Variants in B3GAT2 observed in about 807,000 individuals in gnomAD.
B3GAT2 encodes beta-1,3-glucuronyltransferase 2.
Under a neutral mutation model 27.8 loss-of-function variants are expected in B3GAT2, and 26 were observed. The observed-to-expected ratio is 0.93, with a 90% CI of 0.68 to 1.30. B3GAT2 has a LOEUF of 1.30. Among genes scored for constraint, B3GAT2 ranks in the 50% most tolerant of loss-of-function variants. The probability of loss-of-function intolerance (pLI) is 0.00; values close to 1 mark genes in which losing one functional copy is unlikely to be tolerated. For synonymous variants in B3GAT2, 218 were observed against 195.1 expected (o/e 1.12, Z -0.98); for missense variants, 458 against 459.0 (o/e 1.00, Z 0.02).
chr6:70,907,291 G>T (rs1198498088), intron 1 of B3GAT2, among the ~76,000 whole-genome samples: 1 of 152,152 alleles, frequency 6.6e-6, no homozygotes, highest in Non-Finnish European at 1.5e-5. Flanking sequence ...CACTCCTAAG[G>T]ATGGTCCCTT....
chr6:70,886,807 G>A (rs1469000829), intron 2 of B3GAT2, among the ~76,000 whole-genome samples: 3 of 152,166 alleles, frequency 2.0e-5, no homozygotes, highest in Admixed American at 1.3e-4. Flanking sequence ...ACTGCACCAT[G>A]TTCTAGAAAT....
At position 70,956,511 on chromosome 6, in the gene B3GAT2, G is replaced by GC. The variant is rs1765660953; in HGVS notation, c.-83dup. ...AGTGCGCAGCTTGGACAGCGGCGGC[G>GC]CCAGCACTTAGGGAGTGGTGATGGG... On this transcript the variant is annotated 5_prime_UTR_variant, in exon 1 of 4. Transcript: ENST00000230053. 6.5e-6 allele frequency: 10 copies of GC among 1,538,600 alleles called. No homozygotes were observed. In the South Asian group the frequency reaches 1.1e-4, roughly 17 times the overall value.
intron 1 of B3GAT2, among the ~76,000 whole-genome samples, chr6:70,905,359 T>C (rs1353163635): frequency 6.6e-6 from 1 of 152,230 alleles, no homozygotes. Context: ...TGCATAGATC[T>C]GTATACTTCA....
At chr6:70,897,505 G>A (rs1288726405) in intron 1 of B3GAT2, among the ~76,000 whole-genome samples, 2 of 150,614 alleles carry the variant, frequency 1.3e-5, no homozygotes, top group South Asian at 4.3e-4. Context: ...TTGGGAGGTC[G>A]AGGTGGGCGG....
intron 2 of B3GAT2, among the ~76,000 whole-genome samples, chr6:70,886,983 C>T (rs589923): frequency 0.33 from 49,962 of 151,880 alleles, 12,889 homozygotes; most frequent in African/African-American, 0.7. Context: ...AAGCTGGTCC[C>T]TAGATCCTGC....
intron 1 of B3GAT2, among the ~76,000 whole-genome samples, chr6:70,954,681 T>C (rs1219276400): frequency 6.6e-6 from 1 of 152,100 alleles, no homozygotes; most frequent in African/African-American, 2.4e-5. Context: ...AGAAGGGGAA[T>C]TGAGGGGGAG....
chr6:70,895,716 G>A lies in B3GAT2; in HGVS notation c.592-1444C>T, dbSNP rs995929399. Among the ~76,000 whole-genome samples, 21 of 151,792 alleles carry A rather than the reference G, an allele frequency of 1.4e-4. 1 individual carries two copies. The highest frequency in any genetic ancestry group is 2.6e-4 in the Admixed American group (4 of 15,232). ...GGGTATGAAGCATTCCAGGTAATGAGGTTCTCACTGCATTGGTCTGCCTCA... is the reference window on the plus strand; with the variant it reads ...GGGTATGAAGCATTCCAGGTAATGAAGTTCTCACTGCATTGGTCTGCCTCA... On this transcript the variant is annotated intron_variant, in intron 1 of 3. Transcript: ENST00000230053.
At position 70,859,483 on chromosome 6, in the gene B3GAT2, C is replaced by G. The variant is rs180926736; in HGVS notation, c.*2180G>C. The G allele has an allele frequency of 1.5e-5, 15 of 1,021,548 alleles. No individual in the cohort carries two copies. In the Admixed American group the frequency reaches 1.6e-4, roughly 11 times the overall value. The allele number at this position is 1,021,548 out of a possible 1,614,324, so 63.3% of individuals were successfully genotyped here. On this transcript the variant is annotated 3_prime_UTR_variant, in exon 4 of 4. Coordinates refer to ENST00000230053, the MANE Select transcript of B3GAT2 (RefSeq NM_080742.3). The stretch of plus-strand genomic sequence containing the variant: ...TTAGTGATGTAGTTTATGTTAGTGT[C>G]TTTGAAACTGTAAATAAGTCAAGTC...
chr6:70,864,615 T>C (rs1771819972), intron 2 of B3GAT2, among the ~76,000 whole-genome samples: 1 of 152,136 alleles, frequency 6.6e-6, no homozygotes, highest in Non-Finnish European at 1.5e-5. Flanking sequence ...TGCTCAGTGA[T>C]CTCTTGAAAG....
In B3GAT2 at chr6:70,899,520, C is replaced by T. The variant is rs139382974; in HGVS notation, c.592-5248G>A. Among the ~76,000 whole-genome samples, 517 of 152,298 alleles carry T rather than the reference C, an allele frequency of 3.4e-3. 2 individuals are homozygous for T. The highest frequency in any genetic ancestry group is 0.017 in the Middle Eastern group (5 of 294). On this transcript the variant is annotated intron_variant, in intron 1 of 3. Coordinates refer to ENST00000230053, the MANE Select transcript of B3GAT2 (RefSeq NM_080742.3). The stretch of plus-strand genomic sequence containing the variant: ...GCAATGATTATTTAAATGCAGATGA[C>T]GTGGCGGGATGATGTTTCCAGGTAT...
At chr6:70,939,900 T>TA (rs1765361022) in intron 1 of B3GAT2, among the ~76,000 whole-genome samples, 2 of 151,736 alleles carry the variant, frequency 1.3e-5, no homozygotes, top group Admixed American at 1.3e-4. Context: ...ATAATAATAA[T>TA]AAAATAATAA....
chr6:70,956,346 G>T lies in B3GAT2; in HGVS notation c.84C>A (p.Arg28=). 6.4e-7 allele frequency: 1 copy of T among 1,571,288 alleles called. No homozygotes were observed. The highest frequency in any genetic ancestry group is 1.2e-5 in the South Asian group (1 of 86,476). The change falls in exon 1 of 4, where the codon CGC becomes CGA. Residue 28 remains arginine (R), a synonymous_variant. Coordinates refer to ENST00000230053, the MANE Select transcript of B3GAT2 (RefSeq NM_080742.3). ...GCGGGGTGAGCGGGGGCACTGGCCT[G>T]CGCGTGTCCACGTCGAGCATGATGA... The part of the protein sequence containing the change: ...IVIIMLDVDT[R]RPVPPLTPRP...
chr6:70,887,074 T>A (rs563993946), intron 2 of B3GAT2, among the ~76,000 whole-genome samples: 8 of 152,218 alleles, frequency 5.3e-5, no homozygotes, highest in Non-Finnish European at 1.0e-4. Flanking sequence ...AAAACATTCA[T>A]GCATGGAAAA....
intron 1 of B3GAT2, among the ~76,000 whole-genome samples, chr6:70,913,616 C>T (rs754418150): frequency 7.2e-5 from 11 of 152,122 alleles, no homozygotes; most frequent in Non-Finnish European, 1.2e-4. Flanking sequence ...TGACTTATGG[C>T]CGATTGTGTG....
chr6:70,923,084 TAA>T (rs943233624), intron 1 of B3GAT2, among the ~76,000 whole-genome samples: 2 of 152,194 alleles, frequency 1.3e-5, no homozygotes, highest in African/African-American at 4.8e-5. Context: ...AAGTACCATA[TAA>T]GTGTCTTCTG....
At chr6:70,931,238 T>C (rs566356575) in intron 1 of B3GAT2, among the ~76,000 whole-genome samples, 3 of 152,058 alleles carry the variant, frequency 2.0e-5, no homozygotes, top group Non-Finnish European at 4.4e-5. Context: ...ATGTAAATGA[T>C]GAGTTAATGG....
intron 1 of B3GAT2, among the ~76,000 whole-genome samples, chr6:70,933,199 C>G (rs2150046556): frequency 6.6e-6 from 1 of 152,250 alleles, no homozygotes; most frequent in Middle Eastern, 3.4e-3. Flanking sequence ...AGAGGAACAG[C>G]TGGGATTGCT....
intron 1 of B3GAT2, among the ~76,000 whole-genome samples, chr6:70,920,486 A>T (rs1772849271): frequency 6.6e-6 from 1 of 152,180 alleles, no homozygotes; most frequent in Non-Finnish European, 1.5e-5. Context: ...AAATGCAGAA[A>T]TTACCTGTCT....
rs535338503 is a variant in B3GAT2, at chr6:70,938,292, T to C, written c.591+17547A>G. 5.1e-3 allele frequency among the ~76,000 whole-genome samples: 652 copies of C among 126,968 alleles called. 13 individuals carry two copies. Among genetic ancestry groups the C allele is most frequent in the African/African-American group, 0.019 (618 of 32,270 alleles). 83.3% of individuals were successfully genotyped at this position (126,968 alleles called of 152,430 possible). On this transcript the variant is annotated intron_variant, in intron 1 of 3. Transcript: ENST00000230053. ...TGGAAGAACATTCCATGCTCATGGGTAGGAAGAATCAATATTGTGAAAATG... is the reference window on the plus strand; with the variant it reads ...TGGAAGAACATTCCATGCTCATGGGCAGGAAGAATCAATATTGTGAAAATG...
Sources: gnomAD v4.1 joint callset for allele counts (sites outside exome capture counted in the v4.1 genomes callset) on GRCh38, gnomAD v4.1.1 for gene constraint, MANE v1.5 for transcripts, NCBI Gene and HGNC (gene_info 2026-07-23, HGNC 2026-07-21) for gene names.